Variants in WDPCP observed in about 807,000 individuals in gnomAD.
WDPCP encodes WD repeat-containing and planar cell polarity effector protein fritz homolog.
A neutral mutation model predicts 93.1 loss-of-function variants in WDPCP; 71 were observed. That is an observed-to-expected ratio of 0.76 (90% CI 0.63 to 0.93). The LOEUF (loss-of-function observed/expected upper bound fraction) is 0.93, where lower values mean the gene tolerates loss of function less well. Ranked by LOEUF, WDPCP falls within the 40% of genes least tolerant of loss-of-function variation. The probability of loss-of-function intolerance (pLI) is 0.00; values close to 1 mark genes in which losing one functional copy is unlikely to be tolerated. For missense variants in WDPCP, 844 were observed against 887.4 expected, an observed-to-expected ratio of 0.95 and a Z score of 0.62; for synonymous variants, 315 against 315.0, an observed-to-expected ratio of 1.00 and a Z score of 0.00.
rs1220861069 is a variant in WDPCP, at chr2:63,120,724, C to T, written c.*1282G>A. Among the ~76,000 whole-genome samples the T allele has an allele frequency of 1.3e-4, 19 of 150,472 alleles. No individual in the cohort carries two copies. Among genetic ancestry groups the T allele is most frequent in the African/African-American group, 3.7e-4 (15 of 40,978 alleles). Reference sequence around the variant, plus strand: ...TTTTTTTTTGTATTTTTAGTAGAGACGGGGTTTCACCATGTTGTCTAGGAT... The same window carrying T: ...TTTTTTTTTGTATTTTTAGTAGAGATGGGGTTTCACCATGTTGTCTAGGAT... On this transcript the variant is annotated 3_prime_UTR_variant, in exon 18 of 18. Transcript: ENST00000272321.
At chr2:63,826,024 A>ATTTCC (rs2104150346) in intron 1 of WDPCP, among the ~76,000 whole-genome samples, 1 of 152,226 alleles carries the variant, frequency 6.6e-6, no homozygotes, top group South Asian at 2.1e-4. Context: ...ATCAACAAAT[A>ATTTCC]TTTCCTGACA....
rs189210907 is a variant in WDPCP at position 63,601,072 on chromosome 2, A to T, written n.488+49587T>A. Among the ~76,000 whole-genome samples, 38 of 152,226 alleles carry T rather than the reference A, an allele frequency of 2.5e-4. 1 individual carries two copies. Among genetic ancestry groups the T allele is most frequent in the Non-Finnish European group, 4.8e-4 (33 of 68,044 alleles). ...GCAGGGCTCAAGTCTGAATGAGCAA[A>T]GAGGAAAGAAAGTGCTATCTCCTCA... On this transcript the variant is annotated intron_variant and non_coding_transcript_variant, in intron 3 of 4. Transcript: ENST00000467687.
At chr2:63,575,448 C>CTGTATACAG in intron 1 of WDPCP, among the ~76,000 whole-genome samples, 1 of 65,356 alleles carries the variant, frequency 1.5e-5, no homozygotes, top group Admixed American at 1.5e-4. Context: ...AGTGTATACA[C>CTGTATACAG]TGTATATACA....
chr2:63,735,150 A>C (rs1253199524), intron 2 of WDPCP, among the ~76,000 whole-genome samples: 1 of 152,220 alleles, frequency 6.6e-6, no homozygotes, highest in East Asian at 1.9e-4. Flanking sequence ...TGAGGAAAGT[A>C]AGATATGAAT....
At chr2:63,479,561 A>G (rs1368748348) in intron 6 of WDPCP, among the ~76,000 whole-genome samples, 1 of 152,210 alleles carries the variant, frequency 6.6e-6, no homozygotes, top group Non-Finnish European at 1.5e-5. Context: ...GATACACTGC[A>G]TAAACAGAAT....
At chr2:63,362,051 T>C (rs1411005363) in intron 12 of WDPCP, among the ~76,000 whole-genome samples, 2 of 152,204 alleles carry the variant, frequency 1.3e-5, no homozygotes, top group African/African-American at 2.4e-5. Flanking sequence ...TCACCTCATT[T>C]ATCTTTTCTT....
At chr2:63,409,090 C>G (rs931771350) in intron 9 of WDPCP, among the ~76,000 whole-genome samples, 4 of 152,208 alleles carry the variant, frequency 2.6e-5, no homozygotes, top group Admixed American at 1.3e-4. Flanking sequence ...AGGAGGCCAA[C>G]GACCACTAAA....
chr2:63,657,312 C>T (rs1027214126), intron 2 of WDPCP, among the ~76,000 whole-genome samples: 1 of 150,004 alleles, frequency 6.7e-6, no homozygotes, highest in African/African-American at 2.5e-5. Context: ...TCATGCCATT[C>T]TCCTGCCTCA....
chr2:63,606,855 C>G (rs932760921), intron 3 of WDPCP: 1 of 1,595,724 alleles, frequency 6.3e-7, no homozygotes, highest in Admixed American at 1.8e-5. Context: ...GCATTATTTT[C>G]AAACAGAATA....
At chr2:63,411,867 T>G (rs1695045897) in intron 9 of WDPCP, among the ~76,000 whole-genome samples, 1 of 151,880 alleles carries the variant, frequency 6.6e-6, no homozygotes, top group Non-Finnish European at 1.5e-5. Context: ...TAACAAGCAG[T>G]GAGATTGAAA....
chr2:63,604,447 A>G (rs1361957892), intron 3 of WDPCP, among the ~76,000 whole-genome samples: 3 of 152,240 alleles, frequency 2.0e-5, no homozygotes, highest in Non-Finnish European at 1.5e-5. Flanking sequence ...ACCACAAACT[A>G]TGGGATGCTT....
intron 2 of WDPCP, among the ~76,000 whole-genome samples, chr2:63,787,057 A>G (rs906273012): frequency 4.5e-4 from 69 of 152,212 alleles, no homozygotes; most frequent in African/African-American, 1.4e-3. Context: ...ACCCTCTCCT[A>G]TGAGTAAATC....
intron 12 of WDPCP, among the ~76,000 whole-genome samples, chr2:63,343,170 T>C (rs889468021): frequency 6.6e-6 from 1 of 152,100 alleles, no homozygotes; most frequent in South Asian, 2.1e-4. Flanking sequence ...CTGGCTTTTT[T>C]TCTTTTTTTG....
chr2:63,783,128 C>T (rs934852961), intron 2 of WDPCP, among the ~76,000 whole-genome samples: 1 of 151,972 alleles, frequency 6.6e-6, no homozygotes, highest in East Asian at 1.9e-4. Context: ...CAAAAAGATA[C>T]CTGGCCAGGC....
chr2:63,253,262 A>G (rs1174429952), intron 14 of WDPCP, among the ~76,000 whole-genome samples: 1 of 152,160 alleles, frequency 6.6e-6, no homozygotes, highest in South Asian at 2.1e-4. Flanking sequence ...TAAATGTATG[A>G]CCTCATACCA....
chr2:63,634,307 G>T (rs1035481067), intron 3 of WDPCP, among the ~76,000 whole-genome samples: 43 of 152,154 alleles, frequency 2.8e-4, no homozygotes, highest in African/African-American at 8.7e-4. Context: ...TGATAAAGGG[G>T]TCAATTCATC....
At chr2:63,582,872 G>A (rs1708587267) in intron 1 of WDPCP, among the ~76,000 whole-genome samples, 1 of 152,064 alleles carries the variant, frequency 6.6e-6, no homozygotes, top group South Asian at 2.1e-4. Flanking sequence ...AAAGCTGAGA[G>A]AATTTTTCAG....
chr2:63,375,087 A>C (rs555175894), intron 12 of WDPCP, among the ~76,000 whole-genome samples: 1 of 152,226 alleles, frequency 6.6e-6, no homozygotes, highest in South Asian at 2.1e-4. Flanking sequence ...AAAAGTTAAA[A>C]ATAAATTATT....
intron 2 of WDPCP, among the ~76,000 whole-genome samples, chr2:63,707,252 T>G (rs1337880298): frequency 6.6e-6 from 1 of 152,222 alleles, no homozygotes; most frequent in Non-Finnish European, 1.5e-5. Flanking sequence ...TCCCCGTTAC[T>G]TTCAGGTACA....
Sources: gnomAD v4.1 joint callset for allele counts (sites outside exome capture counted in the v4.1 genomes callset) on GRCh38, gnomAD v4.1.1 for gene constraint, MANE v1.5 for transcripts, NCBI Gene and HGNC (gene_info 2026-07-23, HGNC 2026-07-21) for gene names.